IMMP2L: variants seen among roughly 807,000 people sequenced by gnomAD.
IMMP2L encodes mitochondrial inner membrane protease subunit 2.
IMMP2L carries 18 observed loss-of-function variants against 19.3 expected under a neutral mutation model. The ratio of observed to expected loss-of-function variants is 0.93; its 90% CI spans 0.64 to 1.38. IMMP2L has a LOEUF of 1.38. Ranked by LOEUF, IMMP2L falls within the 40% of genes most tolerant of loss-of-function variation. The pLI, the probability that IMMP2L is intolerant of heterozygous loss-of-function variation, is 0.00. For synonymous variants in IMMP2L, 76 were observed against 73.0 expected (o/e 1.04, Z -0.21); for missense variants, 233 against 218.2 (o/e 1.07, Z -0.43).
chr7:111,280,246 G>A (rs37749), intron 3 of IMMP2L, among the ~76,000 whole-genome samples: 12,832 of 151,916 alleles, frequency 0.084, 620 homozygotes, highest in African/African-American at 0.11. Context: ...CCCTATTCCC[G>A]GGACGTCACA....
At chr7:110,696,830 G>C (rs1793922260) in intron 5 of IMMP2L, among the ~76,000 whole-genome samples, 1 of 152,082 alleles carries the variant, frequency 6.6e-6, no homozygotes, top group Admixed American at 6.6e-5. Flanking sequence ...TTTGATTGGG[G>C]GGACGGATGG....
At chr7:110,969,666 A>C (rs1819935703) in intron 3 of IMMP2L, among the ~76,000 whole-genome samples, 2 of 152,100 alleles carry the variant, frequency 1.3e-5, no homozygotes, top group Non-Finnish European at 2.9e-5. Context: ...GTGTATAGAA[A>C]ACTTTAATGA....
chr7:110,961,880 A>T (rs1363516818), intron 4 of IMMP2L, among the ~76,000 whole-genome samples: 1 of 151,930 alleles, frequency 6.6e-6, no homozygotes, highest in Non-Finnish European at 1.5e-5. Context: ...AGAGACTGAA[A>T]GCAGACCTGT....
At chr7:110,784,598 A>G (rs193247345) in intron 5 of IMMP2L, among the ~76,000 whole-genome samples, 1 of 152,070 alleles carries the variant, frequency 6.6e-6, no homozygotes, top group East Asian at 1.9e-4. Flanking sequence ...ATCACCCCTC[A>G]TCCATGCTTA....
chr7:110,737,523 C>T (rs1441928750), intron 5 of IMMP2L, among the ~76,000 whole-genome samples: 2 of 152,154 alleles, frequency 1.3e-5, no homozygotes, highest in African/African-American at 4.8e-5. Context: ...CAAGCCCACC[C>T]CAAGAAGAGG....
intron 4 of IMMP2L, among the ~76,000 whole-genome samples, chr7:110,953,558 C>T (rs978920794): frequency 1.3e-5 from 2 of 152,026 alleles, no homozygotes; most frequent in African/African-American, 4.8e-5. Context: ...TTTCTTAATT[C>T]AGTCTATCAT....
chr7:111,059,613 A>G (rs1482790694), intron 3 of IMMP2L, among the ~76,000 whole-genome samples: 1 of 152,186 alleles, frequency 6.6e-6, no homozygotes, highest in Non-Finnish European at 1.5e-5. Context: ...TAAAACATAT[A>G]AGGCACTCAA....
At chr7:110,801,212 T>C (rs1243608658) in intron 5 of IMMP2L, among the ~76,000 whole-genome samples, 5 of 152,072 alleles carry the variant, frequency 3.3e-5, no homozygotes, top group Non-Finnish European at 5.9e-5. Context: ...TGCTCTAATA[T>C]AGAGCCTGCA....
intron 3 of IMMP2L, among the ~76,000 whole-genome samples, chr7:111,455,374 A>C (rs139688684): frequency 0.02 from 3,043 of 151,990 alleles, 101 homozygotes; most frequent in African/African-American, 0.07. Context: ...TTTGAATAAA[A>C]GACATGATTT....
chr7:110,875,447 C>G (rs575358982), intron 5 of IMMP2L, among the ~76,000 whole-genome samples: 2 of 151,960 alleles, frequency 1.3e-5, no homozygotes, highest in South Asian at 2.1e-4. Context: ...GACTCTGTAC[C>G]AAATATTTTG....
chr7:110,742,295 T>C (rs1044546231), intron 5 of IMMP2L, among the ~76,000 whole-genome samples: 6 of 152,130 alleles, frequency 3.9e-5, no homozygotes, highest in African/African-American at 1.4e-4. Context: ...GGCTTAAAAA[T>C]GTTTATATAT....
intron 2 of IMMP2L, among the ~76,000 whole-genome samples, chr7:111,495,726 T>C (rs761560373): frequency 3.3e-5 from 5 of 152,324 alleles, no homozygotes; most frequent in Non-Finnish European, 7.4e-5. Flanking sequence ...CTTTTTACTA[T>C]AAATTTTTTA....
At chr7:110,776,215 C>T (rs1799377696) in intron 5 of IMMP2L, among the ~76,000 whole-genome samples, 1 of 152,156 alleles carries the variant, frequency 6.6e-6, no homozygotes, top group African/African-American at 2.4e-5. Context: ...CAAGAGTCCA[C>T]ACTACAGAGA....
At chr7:111,015,814 A>G (rs1233026987) in intron 3 of IMMP2L, among the ~76,000 whole-genome samples, 1 of 152,174 alleles carries the variant, frequency 6.6e-6, no homozygotes, top group Non-Finnish European at 1.5e-5. Context: ...TGATTTAAAA[A>G]AAAAACTTTT....
At chr7:110,916,043 C>T (rs914494231) in intron 4 of IMMP2L, among the ~76,000 whole-genome samples, 1 of 152,118 alleles carries the variant, frequency 6.6e-6, no homozygotes, top group African/African-American at 2.4e-5. Flanking sequence ...AAAAGGCTCA[C>T]GTCACATTGA....
intron 3 of IMMP2L, among the ~76,000 whole-genome samples, chr7:111,473,249 C>G (rs1841427096): frequency 2.6e-5 from 4 of 152,144 alleles, no homozygotes; most frequent in Admixed American, 1.3e-4. Context: ...CCATGGCGAT[C>G]TGCATGTCTT....
chr7:111,506,657 A>G (rs1844937138), intron 2 of IMMP2L, among the ~76,000 whole-genome samples: 2 of 152,156 alleles, frequency 1.3e-5, no homozygotes, highest in Admixed American at 1.3e-4. Flanking sequence ...GGCCTCCCAA[A>G]GTGCTGGGAT....
intron 3 of IMMP2L, among the ~76,000 whole-genome samples, chr7:111,180,352 A>C (rs1367815014): frequency 6.6e-6 from 1 of 151,974 alleles, no homozygotes; most frequent in Non-Finnish European, 1.5e-5. Flanking sequence ...GTTGTGTCTC[A>C]GCAAATAAGG....
At chr7:110,903,506 A>G (rs1208656719) in intron 4 of IMMP2L, among the ~76,000 whole-genome samples, 2 of 152,152 alleles carry the variant, frequency 1.3e-5, no homozygotes, top group African/African-American at 2.4e-5. Context: ...AAATCATGTA[A>G]TATTGGTTCG....
Sources: allele counts gnomAD v4.1 joint callset (sites outside exome capture counted in the v4.1 genomes callset), GRCh38; gene constraint gnomAD v4.1.1; transcripts MANE v1.5; gene names NCBI Gene and HGNC (gene_info 2026-07-23, HGNC 2026-07-21).